TENM1: variants seen among roughly 807,000 people sequenced by gnomAD.
TENM1 encodes the protein teneurin-1.
Under a neutral mutation model 174.8 loss-of-function variants are expected in TENM1, and 35 were observed. The observed-to-expected ratio is 0.20, with a 90% confidence interval of 0.15 to 0.27. TENM1 has a LOEUF of 0.27. TENM1 is among the 10% of genes least tolerant of loss of function. The probability of loss-of-function intolerance (pLI) is 1.00; values close to 1 mark genes in which losing one functional copy is unlikely to be tolerated. For synonymous variants in TENM1, 781 were observed against 798.7 expected (o/e 0.98, Z 0.37); for missense variants, 1,633 against 2,130.1 (o/e 0.77, Z 4.59).
At chrX:124,583,125 A>G (rs1437321887) in intron 11 of TENM1, among the ~76,000 whole-genome samples, 2 of 111,528 alleles carry the variant, frequency 1.8e-5, no homozygotes, top group African/African-American at 6.5e-5. Flanking sequence ...AAACAAAAAG[A>G]CAGCAGTAAC....
At chrX:125,066,814 A>C in the TENM1 span, among the ~76,000 whole-genome samples, 2 of 111,869 alleles carry the variant, frequency 1.8e-5, no homozygotes, top group Admixed American at 1.9e-4. Flanking sequence ...ATTCAGGCAA[A>C]CATAGTTTTA....
At chrX:124,921,290 T>A (rs2058017667) in intron 1 of TENM1, among the ~76,000 whole-genome samples, 1 of 110,977 alleles carries the variant, frequency 9.0e-6, no homozygotes, top group Non-Finnish European at 1.9e-5. Flanking sequence ...TCCAATCTTG[T>A]CACAAGGCAA....
At chrX:124,526,670 G>A (rs2047983685) in intron 16 of TENM1, among the ~76,000 whole-genome samples, 1 of 112,346 alleles carries the variant, frequency 8.9e-6, no homozygotes, top group Non-Finnish European at 1.9e-5. Flanking sequence ...CCAAGGGAGA[G>A]GATTTATTTG....
chrX:124,666,153 T>C (rs1000787658), intron 6 of TENM1, among the ~76,000 whole-genome samples: 2 of 111,598 alleles, frequency 1.8e-5, no homozygotes, highest in African/African-American at 3.3e-5. Flanking sequence ...TGGAGATAGA[T>C]TGTGCAGGAT....
At chrX:124,962,257 T>C (rs2058665289) in intron 1 of TENM1, among the ~76,000 whole-genome samples, 1 of 111,841 alleles carries the variant, frequency 8.9e-6, no homozygotes, top group Non-Finnish European at 1.9e-5. Flanking sequence ...GATGTGATCA[T>C]TGAAGCCATC....
intron 11 of TENM1, among the ~76,000 whole-genome samples, chrX:124,633,257 C>A (rs2050802122): frequency 8.9e-6 from 1 of 112,004 alleles, no homozygotes; most frequent in South Asian, 3.7e-4. Context: ...TCTTACTGTA[C>A]TGTACTTTAT....
chrX:124,587,202 T>C (rs1240572698), intron 11 of TENM1, among the ~76,000 whole-genome samples: 1 of 110,186 alleles, frequency 9.1e-6, no homozygotes, highest in Non-Finnish European at 1.9e-5. Flanking sequence ...AAAGTTCATA[T>C]GGAACCAAAA....
At chrX:124,633,581 G>C (rs1223229654) in intron 11 of TENM1, among the ~76,000 whole-genome samples, 1 of 110,430 alleles carries the variant, frequency 9.1e-6, no homozygotes, top group Admixed American at 9.7e-5. Context: ...GCTTTAAATT[G>C]CCTTACAATC....
chrX:124,892,400 A>T (rs1445192994), intron 3 of TENM1, among the ~76,000 whole-genome samples: 1 of 111,769 alleles, frequency 8.9e-6, no homozygotes, highest in Non-Finnish European at 1.9e-5. Flanking sequence ...GAGTTATAAA[A>T]TGTCAGAGAC....
intron 1 of TENM1, among the ~76,000 whole-genome samples, chrX:124,899,832 C>T (rs1030594820): frequency 8.9e-6 from 1 of 111,933 alleles, no homozygotes; most frequent in Non-Finnish European, 1.9e-5. Flanking sequence ...CATGAAAATG[C>T]AAACTAAAGC....
chrX:124,878,275 G>A (rs924077712), intron 3 of TENM1, among the ~76,000 whole-genome samples: 1 of 111,254 alleles, frequency 9.0e-6, no homozygotes, highest in African/African-American at 3.3e-5. Context: ...CAGCTATGAC[G>A]AGGCTAGTCC....
chrX:124,896,281 T>A, intron 1 of TENM1, 40 bp from the exon 5 acceptor site: 1 of 1,168,976 alleles, frequency 8.6e-7, no homozygotes. Context: ...TTTAGAAGTA[T>A]GAAGAAATCC....
intron 10 of TENM1, among the ~76,000 whole-genome samples, chrX:124,644,049 A>G (rs1011807290): frequency 2.0e-4 from 19 of 96,638 alleles, no homozygotes; most frequent in African/African-American, 6.9e-4. Context: ...AATGGCATAT[A>G]TATATATATA....
chrX:124,513,405 C>T (rs1038875027), intron 18 of TENM1, among the ~76,000 whole-genome samples: 1 of 111,925 alleles, frequency 8.9e-6, no homozygotes, highest in East Asian at 2.8e-4. Flanking sequence ...CCCAGATAGA[C>T]CAGGATAATC....
At chrX:124,618,026 A>G (rs1395445677) in intron 11 of TENM1, among the ~76,000 whole-genome samples, 1 of 112,171 alleles carries the variant, frequency 8.9e-6, no homozygotes, top group Non-Finnish European at 1.9e-5. Context: ...GACCTTAAGA[A>G]TTATGAAATG....
chrX:125,126,724 C>T, the TENM1 span, among the ~76,000 whole-genome samples: 4 of 110,875 alleles, frequency 3.6e-5, no homozygotes. Context: ...GAAGTGCAGC[C>T]AATGAAAACT....
At chrX:124,705,974 C>T (rs112458605) in intron 4 of TENM1, among the ~76,000 whole-genome samples, 41 of 111,922 alleles carry the variant, frequency 3.7e-4, no homozygotes, top group African/African-American at 1.1e-3. Flanking sequence ...GGCATGATCT[C>T]GGCTCACTGC....
intron 31 of TENM1, 28 bp downstream of exon 34, chrX:124,382,642 A>C: frequency 8.4e-7 from 1 of 1,194,521 alleles, no homozygotes; most frequent in Non-Finnish European, 1.1e-6. Flanking sequence ...TGTTTCAGCT[A>C]AAAGGAGGTG....
chrX:124,540,483 C>G (rs1200610582), intron 15 of TENM1, among the ~76,000 whole-genome samples: 4 of 111,950 alleles, frequency 3.6e-5, no homozygotes, highest in Non-Finnish European at 5.6e-5. Flanking sequence ...TCAAGATCAG[C>G]AGCTTCTGCA....
Sources: allele counts gnomAD v4.1 joint callset (sites outside exome capture counted in the v4.1 genomes callset), GRCh38; gene constraint gnomAD v4.1.1; transcripts MANE v1.5; gene names NCBI Gene and HGNC (gene_info 2026-07-23, HGNC 2026-07-21).